Variants in LRP2 observed in about 807,000 individuals in gnomAD.
LRP2 encodes the protein LDL receptor related protein 2, also known as low-density lipoprotein receptor-related protein 2.
A neutral mutation model predicts 531.0 loss-of-function variants in LRP2; 172 were observed. That is an observed-to-expected ratio of 0.32 (90% confidence interval 0.29 to 0.37). The LOEUF (loss-of-function observed/expected upper bound fraction) is 0.37, where lower values mean the gene tolerates loss of function less well. LRP2 is among the 10% of genes least tolerant of loss of function. LRP2 has a pLI of 1.00. For missense variants in LRP2, 5,167 were observed against 5,868.3 expected (o/e 0.88, Z 3.90); for synonymous variants, 1,992 against 2,027.6 (o/e 0.98, Z 0.47).
Position 169,241,276 on chromosome 2 carries a change from G to A in LRP2, c.3757C>T (p.His1253Tyr). 6.2e-7 allele frequency: 1 copy of A among 1,614,178 alleles called. No homozygotes were observed. Residue 1253 changes from histidine to tyrosine, a missense_variant, in exon 25 of 79, where the codon CAT becomes TAT. By Grantham distance (83) the His-to-Tyr change is moderately conservative (BLOSUM62 2). Coordinates refer to ENST00000649046, the MANE Select transcript of LRP2 (RefSeq NM_004525.3). ...TCAGATCCATAGAGGCAGTCTGGAT[G>A]CCCATCACATTCCCAGAAGTTCGGG... ...CIPNFWECDG[H>Y]PDCLYGSDEH...
chr2:169,205,049 T>A (rs933237332), intron 41 of LRP2, among the ~76,000 whole-genome samples: 5 of 150,494 alleles, frequency 3.3e-5, no homozygotes, highest in African/African-American at 9.9e-5. Flanking sequence ...TTTTTTTTTT[T>A]AAGAAAAGAA....
chr2:169,315,547 A>C (rs569735592), intron 3 of LRP2, among the ~76,000 whole-genome samples: 3 of 152,368 alleles, frequency 2.0e-5, no homozygotes, highest in East Asian at 3.9e-4. Flanking sequence ...TGGCACACCC[A>C]CAGGAACTAA....
chr2:169,245,330 C>T (rs1689967727), intron 21 of LRP2, among the ~76,000 whole-genome samples: 1 of 152,180 alleles, frequency 6.6e-6, no homozygotes, highest in African/African-American at 2.4e-5. Flanking sequence ...TTACTTCCTC[C>T]AACCACAATT....
In LRP2 at chr2:169,196,294, T is replaced by C. The variant is rs561319382; in HGVS notation, c.8698+617A>G. Among the ~76,000 whole-genome samples, 26 of 152,288 alleles carry C rather than the reference T, an allele frequency of 1.7e-4. No homozygotes were observed. The South Asian group carries it at 5.4e-3, about 32-fold the overall frequency. On this transcript the variant is annotated intron_variant, in intron 46 of 78. Transcript: ENST00000649046. ...TATAGCAATATGATTTATTGACAGG[T>C]TTTTTAAAGCAATGTAGAAGATTGT...
At chr2:169,350,325 T>C (rs1271494202) in intron 1 of LRP2, among the ~76,000 whole-genome samples, 3 of 152,114 alleles carry the variant, frequency 2.0e-5, no homozygotes, top group African/African-American at 4.8e-5. Flanking sequence ...ACATGTCAAA[T>C]GAGCAGTTGG....
chr2:169,315,798 C>T (rs1268818671), intron 3 of LRP2, among the ~76,000 whole-genome samples: 1 of 151,882 alleles, frequency 6.6e-6, no homozygotes, highest in African/African-American at 2.4e-5. Flanking sequence ...ACTGCTGACA[C>T]CCAAATGAGA....
chr2:169,237,308 A>C, intron 27 of LRP2, 21 bp from the exon 28 acceptor site: 1 of 1,566,208 alleles, frequency 6.4e-7, no homozygotes, highest in Non-Finnish European at 8.8e-7. Flanking sequence ...AAGTGAATAA[A>C]GAGTGAATTC....
chr2:169,151,086 A>G (rs1686102131), intron 67 of LRP2, 60 bp from the exon 68 acceptor site: 13 of 1,574,356 alleles, frequency 8.3e-6, no homozygotes, highest in Non-Finnish European at 1.1e-5. Flanking sequence ...TTACTGGGTA[A>G]GAGGTTTGAA....
chr2:169,199,668 A>G (rs1287189911), intron 44 of LRP2, among the ~76,000 whole-genome samples: 1 of 148,544 alleles, frequency 6.7e-6, no homozygotes, highest in Non-Finnish European at 1.5e-5. Context: ...ATAACCCTGC[A>G]GAAAAAAAAA....
At position 169,169,619 on chromosome 2, in the gene LRP2, A is replaced by G. The variant is rs1435906096; in HGVS notation, c.11497+83T>C. 2.9e-6 allele frequency: 3 copies of G among 1,030,694 alleles called. No homozygotes were observed. In the African/African-American group the frequency reaches 4.7e-5, roughly 16 times the overall value. 63.8% of individuals were successfully genotyped at this position (1,030,694 alleles called of 1,614,324 possible). On this transcript the variant is annotated intron_variant, in intron 60 of 78. Transcript: ENST00000649046. ...GACAATACTTATGGCCTTTTAATCT[A>G]AGAAGCGGCAGCGGACTGATGTCTA...
intron 4 of LRP2, among the ~76,000 whole-genome samples, chr2:169,296,713 C>A (rs935563876): frequency 6.6e-6 from 1 of 152,086 alleles, no homozygotes; most frequent in Non-Finnish European, 1.5e-5. Context: ...AATAAGTGTG[C>A]TGGATGGATC....
rs2239595 is a variant in LRP2, at chr2:169,233,341, G to A, written c.5098+70C>T. ...CAAACAAATGGGTCTGTAACAGTGT[G>A]CATTTAGCATTCCCAGGGTCAGTGT... On this transcript the variant is annotated intron_variant, in intron 30 of 78. Transcript: ENST00000649046. 0.15 allele frequency: 223,646 copies of A among 1,526,420 alleles called. 20,719 individuals carry two copies. Among genetic ancestry groups the A allele is most frequent in the Admixed American group, 0.35 (20,861 of 59,696 alleles). 94.6% of individuals were successfully genotyped at this position (1,526,420 alleles called of 1,614,324 possible).
At position 169,307,300 on chromosome 2, in the gene LRP2, T is replaced by C; in HGVS notation, c.408A>G (p.Gly136=). Residue 136 remains glycine (G), a synonymous_variant, in exon 4 of 79, where the codon GGA becomes GGG. Coordinates refer to ENST00000649046, the MANE Select transcript of LRP2 (RefSeq NM_004525.3). ...RCDHVRDCPD[G]ADENDCQYPT... ...ACTCACGGCAGTCATTCTCATCAGC[T>C]CCATCGGGGCAGTCTCTGACGTGGT... The C allele has an allele frequency of 1.9e-6, 3 of 1,612,970 alleles. No individual in the cohort carries two copies. The highest frequency in any genetic ancestry group is 2.5e-6 in the Non-Finnish European group (3 of 1,178,928).
intron 77 of LRP2, among the ~76,000 whole-genome samples, chr2:169,130,811 A>G (rs953205919): frequency 6.6e-6 from 1 of 152,224 alleles, no homozygotes; most frequent in Non-Finnish European, 1.5e-5. Context: ...AATGTAAAAA[A>G]GTAAGAGGAG....
intron 1 of LRP2, among the ~76,000 whole-genome samples, chr2:169,358,761 G>A (rs968515486): frequency 6.6e-6 from 1 of 152,124 alleles, no homozygotes; most frequent in African/African-American, 2.4e-5. Flanking sequence ...GGGAAGCAGA[G>A]GTAGGAGGAT....
chr2:169,170,505 T>C lies in LRP2; in HGVS notation c.11380+46A>G, dbSNP rs757626241. On this transcript the variant is annotated intron_variant, in intron 59 of 78. Coordinates refer to ENST00000649046, the MANE Select transcript of LRP2 (RefSeq NM_004525.3). ...AAACACTAATTTGAAGCCCCTACACTGTCACAGTACAAAATTCTATGGTAA... is the reference window on the plus strand; with the variant it reads ...AAACACTAATTTGAAGCCCCTACACCGTCACAGTACAAAATTCTATGGTAA... 9 of 1,462,002 alleles carry C rather than the reference T, an allele frequency of 6.2e-6. No homozygotes were observed. In the South Asian group the frequency reaches 1.0e-4, roughly 17 times the overall value. 90.6% of individuals were successfully genotyped at this position (1,462,002 alleles called of 1,614,324 possible). A position where few individuals can be genotyped will look rare whatever the true frequency, so the allele number is the denominator to read the frequency against.
chr2:169,244,987 G>A, intron 21 of LRP2, 55 bp from the exon 22 acceptor site: 1 of 1,607,434 alleles, frequency 6.2e-7, no homozygotes, highest in Non-Finnish European at 8.5e-7. Flanking sequence ...CCTTTTAAAT[G>A]AGTTCTTGCC....
rs1326307397 is a variant in LRP2, at chr2:169,328,044, C to T, written c.80-7160G>A. 4.2e-5 allele frequency among the ~76,000 whole-genome samples: 6 copies of T among 143,482 alleles called. No individual in the cohort carries two copies. The East Asian group carries it at 1.1e-3, about 26-fold the overall frequency. The allele number at this position is 143,482 out of a possible 152,430, so 94.1% of individuals were successfully genotyped here. A position where few individuals can be genotyped will look rare whatever the true frequency, so the allele number is the denominator to read the frequency against. ...GGGGTCAGCCCCCTGCCCGGCCAGC[C>T]GCCCCGTCCGGGAGGGAGGTGGGGT... On this transcript the variant is annotated intron_variant, in intron 1 of 78. Coordinates refer to ENST00000649046, the MANE Select transcript of LRP2 (RefSeq NM_004525.3).
At chr2:169,349,004 T>C (rs1685772676) in intron 1 of LRP2, among the ~76,000 whole-genome samples, 1 of 152,150 alleles carries the variant, frequency 6.6e-6, no homozygotes, top group Non-Finnish European at 1.5e-5. Flanking sequence ...TTAGCACCCA[T>C]GGTGACATCT....
Sources: gnomAD v4.1 joint callset for allele counts (sites outside exome capture counted in the v4.1 genomes callset) on GRCh38, gnomAD v4.1.1 for gene constraint, MANE v1.5 for transcripts, NCBI Gene and HGNC (gene_info 2026-07-23, HGNC 2026-07-21) for gene names.